The following NAALADL2 variants were observed in gnomAD, a reference collection of about 807,000 sequenced individuals.
The protein encoded by NAALADL2 is inactive N-acetylated-alpha-linked acidic dipeptidase-like protein 2.
NAALADL2 carries 76 observed loss-of-function variants against 87.2 expected under a neutral mutation model. The ratio of observed to expected loss-of-function variants is 0.87; its 90% CI spans 0.72 to 1.05. The LOEUF is 1.05. Ranked by LOEUF, NAALADL2 falls within the 50% of genes least tolerant of loss-of-function variation. The pLI, the probability that NAALADL2 is intolerant of heterozygous loss-of-function variation, is 0.00. For synonymous variants in NAALADL2, 354 were observed against 331.0 expected, an observed-to-expected ratio of 1.07 and a Z score of -0.75; for missense variants, 1,089 against 945.8, an observed-to-expected ratio of 1.15 and a Z score of -1.99.
intron 5 of NAALADL2, among the ~76,000 whole-genome samples, chr3:175,443,964 G>A (rs1271607912): frequency 1.3e-5 from 2 of 152,178 alleles, no homozygotes; most frequent in Admixed American, 6.5e-5. Context: ...TTAGATGCAT[G>A]TGATGCATGA....
intron 2 of NAALADL2, among the ~76,000 whole-genome samples, chr3:174,626,386 A>G (rs1721581024): frequency 6.6e-6 from 1 of 152,074 alleles, no homozygotes; most frequent in Non-Finnish European, 1.5e-5. Context: ...CTTTGGATAT[A>G]ATGAAGTTGA....
intron 9 of NAALADL2, among the ~76,000 whole-genome samples, chr3:175,544,134 A>G (rs553866871): frequency 1.4e-4 from 22 of 152,286 alleles, no homozygotes; most frequent in African/African-American, 5.3e-4. Flanking sequence ...TTGAGTTATG[A>G]TCTTCTAATG....
At chr3:175,198,404 G>C (rs1232901361) in intron 2 of NAALADL2, among the ~76,000 whole-genome samples, 2 of 151,818 alleles carry the variant, frequency 1.3e-5, no homozygotes, top group Non-Finnish European at 2.9e-5. Context: ...TTCTACACAT[G>C]TACAATATTT....
chr3:175,622,123 G>A (rs1222555466), intron 10 of NAALADL2, among the ~76,000 whole-genome samples: 1 of 152,126 alleles, frequency 6.6e-6, no homozygotes, highest in African/African-American at 2.4e-5. Flanking sequence ...TTTCTGATAT[G>A]TATTAACACT....
chr3:174,756,258 A>G (rs1204527578), intron 3 of NAALADL2, among the ~76,000 whole-genome samples: 2 of 152,232 alleles, frequency 1.3e-5, no homozygotes, highest in Non-Finnish European at 2.9e-5. Flanking sequence ...CAGTTTGAAT[A>G]GGATGTGAAA....
intron 1 of NAALADL2, among the ~76,000 whole-genome samples, chr3:175,055,481 A>G (rs934829754): frequency 6.6e-6 from 1 of 152,200 alleles, no homozygotes; most frequent in Admixed American, 6.5e-5. Context: ...GCTTTTGTAC[A>G]GCATAAATCT....
At chr3:174,950,436 A>G (rs552319602) in intron 1 of NAALADL2, among the ~76,000 whole-genome samples, 15 of 152,270 alleles carry the variant, frequency 9.9e-5, no homozygotes, top group African/African-American at 3.4e-4. Flanking sequence ...TGTGTAAAAC[A>G]TACATATACA....
chr3:175,520,323 G>A (rs942872043), intron 9 of NAALADL2, among the ~76,000 whole-genome samples: 27 of 118,334 alleles, frequency 2.3e-4, no homozygotes, highest in African/African-American at 7.7e-4. Flanking sequence ...ACGGAGTCTC[G>A]CTCTGTCGCC....
chr3:175,132,640 T>A (rs190715987), intron 2 of NAALADL2, among the ~76,000 whole-genome samples: 3 of 78,070 alleles, frequency 3.8e-5, no homozygotes, highest in Non-Finnish European at 4.9e-5. Flanking sequence ...CCGGACGGGG[T>A]GGCTGGCCGG....
chr3:175,352,281 T>G (rs1166198005), intron 5 of NAALADL2, among the ~76,000 whole-genome samples: 1 of 152,022 alleles, frequency 6.6e-6, no homozygotes, highest in Non-Finnish European at 1.5e-5. Context: ...CTTCACAGCT[T>G]GCCCATAGGT....
chr3:175,701,805 G>A (rs990580383), intron 11 of NAALADL2, among the ~76,000 whole-genome samples: 7 of 152,242 alleles, frequency 4.6e-5, no homozygotes, highest in East Asian at 1.9e-4. Flanking sequence ...TCAACAGGAT[G>A]GCATTATTGT....
chr3:174,884,491 G>A (rs1729816655), intron 1 of NAALADL2, among the ~76,000 whole-genome samples: 1 of 152,122 alleles, frequency 6.6e-6, no homozygotes, highest in Non-Finnish European at 1.5e-5. Context: ...TAGCTGTAAA[G>A]TGGGTGCCTT....
At chr3:175,397,860 G>A (rs1431681672) in intron 5 of NAALADL2, among the ~76,000 whole-genome samples, 1 of 151,980 alleles carries the variant, frequency 6.6e-6, no homozygotes, top group African/African-American at 2.4e-5. Flanking sequence ...GAAGATTAGG[G>A]GCCTTTTTGC....
chr3:175,038,591 G>T (rs1021252666), intron 1 of NAALADL2, among the ~76,000 whole-genome samples: 1 of 152,102 alleles, frequency 6.6e-6, no homozygotes, highest in African/African-American at 2.4e-5. Context: ...GTAGCCATTT[G>T]CCATGAATCA....
intron 5 of NAALADL2, among the ~76,000 whole-genome samples, chr3:175,423,607 T>C (rs560966806): frequency 6.6e-6 from 1 of 152,292 alleles, no homozygotes; most frequent in African/African-American, 2.4e-5. Flanking sequence ...CATCATTTTT[T>C]ATGGCAACAT....
intron 5 of NAALADL2, among the ~76,000 whole-genome samples, chr3:175,380,885 A>G (rs1173503728): frequency 3.3e-5 from 5 of 152,094 alleles, no homozygotes; most frequent in African/African-American, 1.2e-4. Flanking sequence ...ATAAAGCTTT[A>G]AATATTGTTT....
chr3:175,051,907 C>T (rs888043465), intron 1 of NAALADL2, among the ~76,000 whole-genome samples: 2 of 152,250 alleles, frequency 1.3e-5, no homozygotes, highest in South Asian at 2.1e-4. Context: ...AGGCATTTGC[C>T]GAGACCAGCT....
intron 4 of NAALADL2, among the ~76,000 whole-genome samples, chr3:175,259,192 C>T (rs1331771759): frequency 6.6e-6 from 1 of 152,150 alleles, no homozygotes; most frequent in Non-Finnish European, 1.5e-5. Context: ...ACCCACTGAA[C>T]CTCTAATTTC....
At chr3:174,926,854 A>C (rs1198338411) in intron 1 of NAALADL2, among the ~76,000 whole-genome samples, 2 of 152,308 alleles carry the variant, frequency 1.3e-5, no homozygotes, top group African/African-American at 2.4e-5. Context: ...CACACATAAC[A>C]ATATGAACCT....
Sources: gnomAD v4.1 joint callset for allele counts (sites outside exome capture counted in the v4.1 genomes callset) on GRCh38, gnomAD v4.1.1 for gene constraint, MANE v1.5 for transcripts, NCBI Gene and HGNC (gene_info 2026-07-23, HGNC 2026-07-21) for gene names.